Variants in PARD3B observed in about 807,000 individuals in gnomAD.
PARD3B encodes par-3 family cell polarity regulator beta.
PARD3B carries 103 observed loss-of-function variants against 130.2 expected under a neutral mutation model. That is an observed-to-expected ratio of 0.79 (90% CI 0.67 to 0.93). The LOEUF (loss-of-function observed/expected upper bound fraction) is 0.93. PARD3B is among the 40% of genes least tolerant of loss of function. The pLI is 0.00. For missense variants in PARD3B, 1,609 were observed against 1,499.2 expected (o/e 1.07, Z -1.21); for synonymous variants, 583 against 553.2 (o/e 1.05, Z -0.76).
rs2047043173 is a variant in PARD3B, at chr2:204,906,389, T to C, written c.223-58763T>C. Among the ~76,000 whole-genome samples the C allele has an allele frequency of 2.0e-5, 3 of 152,166 alleles. No homozygotes were observed. Among genetic ancestry groups the C allele is most frequent in the Admixed American group, 6.5e-5 (1 of 15,278 alleles). On this transcript the variant is annotated intron_variant, in intron 2 of 22. Transcript: ENST00000406610. This position sits in a 1 kb window ranked among gnomAD's most constrained non-coding sequence, Gnocchi z 4.3. The stretch of plus-strand genomic sequence containing the variant: ...AATGCTAAAGCCCATTTTCCCCCTT[T>C]GTTTTCTCTTTTCATTGGTGTGTGT...
intron 21 of PARD3B, among the ~76,000 whole-genome samples, chr2:205,502,374 G>A (rs1020227784): frequency 2.0e-5 from 3 of 152,152 alleles, no homozygotes; most frequent in African/African-American, 2.4e-5. Flanking sequence ...TCACAGTCGC[G>A]TGAAGGGGAA....
chr2:205,175,168 AT>A (rs929786651), intron 12 of PARD3B, among the ~76,000 whole-genome samples: 1 of 152,052 alleles, frequency 6.6e-6, no homozygotes, highest in Non-Finnish European at 1.5e-5. Flanking sequence ...TGGGATATCG[AT>A]TGTGTCATTT....
intron 21 of PARD3B, among the ~76,000 whole-genome samples, chr2:205,542,144 C>CAAAAAAAAA (rs71032484): frequency 7.9e-5 from 3 of 38,068 alleles, no homozygotes; most frequent in East Asian, 9.9e-4. Flanking sequence ...ACTCCGTCTC[C>CAAAAAAAAA]AAAAAAAAAA....
intron 18 of PARD3B, among the ~76,000 whole-genome samples, chr2:205,390,901 G>A (rs1000812259): frequency 3.3e-5 from 5 of 152,208 alleles, no homozygotes; most frequent in African/African-American, 4.8e-5. Flanking sequence ...GAGGCCTCCA[G>A]CTTCCACAGA....
At chr2:204,624,393 C>T (rs192426342) in intron 1 of PARD3B, among the ~76,000 whole-genome samples, 18 of 151,840 alleles carry the variant, frequency 1.2e-4, no homozygotes, top group Admixed American at 6.6e-4. Flanking sequence ...TACAGGCTAC[C>T]GTGCAAAACA....
At chr2:204,913,539 A>T (rs1188435805) in intron 2 of PARD3B, among the ~76,000 whole-genome samples, 1 of 152,194 alleles carries the variant, frequency 6.6e-6, no homozygotes, top group African/African-American at 2.4e-5. Context: ...GAAACACTAC[A>T]TAGACTTCTG....
In PARD3B at chr2:204,571,754, G is replaced by A. The variant is rs542142069; in HGVS notation, c.120+25635G>A. Among the ~76,000 whole-genome samples the A allele has an allele frequency of 1.4e-4, 22 of 152,324 alleles. No individual in the cohort carries two copies. In the South Asian group the frequency reaches 4.4e-3, roughly 30 times the overall value. ...TTAGGGACTTAATACAGTAGTAGAT[G>A]AGTGAATGAGAAGTTAGAGCATAAA... On this transcript the variant is annotated intron_variant, in intron 1 of 22. Transcript: ENST00000406610.
intron 1 of PARD3B, among the ~76,000 whole-genome samples, chr2:204,635,271 C>G (rs920945914): frequency 6.6e-6 from 1 of 152,040 alleles, no homozygotes; most frequent in African/African-American, 2.4e-5. Context: ...CTCCTTGGAG[C>G]TTTGGTTTCT....
At chr2:205,391,112 T>C (rs2045843536) in intron 18 of PARD3B, among the ~76,000 whole-genome samples, 1 of 152,204 alleles carries the variant, frequency 6.6e-6, no homozygotes, top group South Asian at 2.1e-4. Context: ...GAAGGGCAAG[T>C]CAAACGGGCA....
intron 19 of PARD3B, among the ~76,000 whole-genome samples, chr2:205,426,487 A>G (rs1172665129): frequency 6.6e-6 from 1 of 152,192 alleles, no homozygotes. Context: ...CAGGTAGTTT[A>G]TAATCTCTTT....
At chr2:204,893,185 A>G (rs1358617226) in intron 2 of PARD3B, among the ~76,000 whole-genome samples, 3 of 152,158 alleles carry the variant, frequency 2.0e-5, no homozygotes, top group Non-Finnish European at 4.4e-5. Context: ...TTCAAGAAGA[A>G]GGGAATGATC....
At chr2:204,895,069 A>G (rs762005688) in intron 2 of PARD3B, among the ~76,000 whole-genome samples, 1 of 152,012 alleles carries the variant, frequency 6.6e-6, no homozygotes. Flanking sequence ...AAAAAACCCC[A>G]TAATTCAAGT....
chr2:205,374,529 G>A (rs573141734), intron 18 of PARD3B, among the ~76,000 whole-genome samples: 82 of 152,094 alleles, frequency 5.4e-4, no homozygotes, highest in Non-Finnish European at 6.9e-4. Context: ...CACTGCGTCC[G>A]GCCCAACCAC....
At chr2:204,970,302 T>G (rs939139328) in intron 3 of PARD3B, among the ~76,000 whole-genome samples, 9 of 152,216 alleles carry the variant, frequency 5.9e-5, no homozygotes, top group African/African-American at 1.7e-4. Context: ...AGCTGTGTGA[T>G]CAGGATAAGT....
Position 205,583,400 on chromosome 2 carries a change from T to TGTGTGTGTGTGTGC in PARD3B, c.3260+29998_3260+29999insTGTGTGTGTGTGCG, listed in dbSNP as rs1192785640. On this transcript the variant is annotated intron_variant, in intron 22 of 22. Transcript: ENST00000406610. Reference sequence around the variant, plus strand: ...CTCTGTGTGTGTGTGTGTGTGTGTGTGCGCGCGCACGCGCGTGTGAGAGAG... The same window carrying TGTGTGTGTGTGTGC: ...CTCTGTGTGTGTGTGTGTGTGTGTGTGTGTGTGTGTGTGCGCGCGCGCACGCGCGTGTGAGAGAG... 4.2e-3 allele frequency among the ~76,000 whole-genome samples: 559 copies of TGTGTGTGTGTGTGC among 133,988 alleles called. 3 individuals are homozygous for TGTGTGTGTGTGTGC. Among genetic ancestry groups the TGTGTGTGTGTGTGC allele is most frequent in the African/African-American group, 7.6e-3 (254 of 33,464 alleles). 87.9% of individuals were successfully genotyped at this position (133,988 alleles called of 152,430 possible).
In PARD3B at chr2:205,401,014, T is replaced by A. The variant is rs2046233305; in HGVS notation, c.2632T>A (p.Phe878Ile). 1.3e-6 allele frequency: 2 copies of A among 1,590,604 alleles called. No homozygotes were observed. The highest frequency in any genetic ancestry group is 1.8e-5 in the Admixed American group (1 of 56,844). ...KKKGFGAMLR[F>I]GKKKEDKGGK... ...GCCTTCTCCTTCACGTTTCACTAGATTTGGAAAGAAGAAAGAGGATAAGGG... is the reference window on the plus strand; with the variant it reads ...GCCTTCTCCTTCACGTTTCACTAGAATTGGAAAGAAGAAAGAGGATAAGGG... Residue 878 changes from phenylalanine (F) to isoleucine (I), a missense_variant and splice_region_variant, in exon 19 of 23, where the codon TTT (phenylalanine) becomes ATT (isoleucine). By Grantham distance (21) the Phe-to-Ile change is conservative. Transcript: ENST00000406610.
chr2:205,277,810 C>T (rs919903810), intron 16 of PARD3B, among the ~76,000 whole-genome samples: 1 of 152,100 alleles, frequency 6.6e-6, no homozygotes, highest in African/African-American at 2.4e-5. Context: ...GAGTTTGGAC[C>T]TTCTGAAAGC....
intron 20 of PARD3B, among the ~76,000 whole-genome samples, chr2:205,450,345 A>C (rs2048053063): frequency 6.6e-6 from 1 of 152,064 alleles, no homozygotes; most frequent in South Asian, 2.1e-4. Context: ...TTAGTGGTTA[A>C]TTCCTAGCTC....
At chr2:204,560,513 A>G (rs1187041308) in intron 1 of PARD3B, among the ~76,000 whole-genome samples, 3 of 146,314 alleles carry the variant, frequency 2.1e-5, no homozygotes, top group Non-Finnish European at 4.5e-5. Context: ...GTACGTGGCC[A>G]GGGGTTTGAA....
Sources: allele counts gnomAD v4.1 joint callset (sites outside exome capture counted in the v4.1 genomes callset), GRCh38; gene constraint gnomAD v4.1.1; non-coding constraint Gnocchi (gnomAD v3.1); transcripts MANE v1.5; gene names NCBI Gene and HGNC (gene_info 2026-07-23, HGNC 2026-07-21).